The following TTC9C variants were observed in gnomAD, a reference collection of about 807,000 sequenced individuals.
The protein encoded by TTC9C is tetratricopeptide repeat protein 9C.
A neutral mutation model predicts 22.5 loss-of-function variants in TTC9C; 15 were observed. The ratio of observed to expected loss-of-function variants is 0.67; its 90% CI spans 0.45 to 1.03. The LOEUF (loss-of-function observed/expected upper bound fraction) is 1.03, where lower values mean the gene tolerates loss of function less well. Among genes scored for constraint, TTC9C ranks in the 50% least tolerant of loss-of-function variants. The probability of loss-of-function intolerance (pLI) is 0.00; values close to 1 mark genes in which losing one functional copy is unlikely to be tolerated. For synonymous variants in TTC9C, 92 were observed against 86.8 expected (o/e 1.06, Z -0.33); for missense variants, 244 against 214.6 (o/e 1.14, Z -0.86).
chr11:62,728,984 C>G lies in TTC9C; in HGVS notation c.136C>G (p.Pro46Ala), dbSNP rs373431811. 1.1e-5 allele frequency: 17 copies of G among 1,613,986 alleles called. No homozygotes were observed. The highest frequency in any genetic ancestry group is 1.4e-5 in the Non-Finnish European group (16 of 1,180,032). The change falls in exon 1 of 3, where the codon CCC becomes GCC. Residue 46 changes from proline to alanine, a missense_variant. Transcript: ENST00000316461. Reference sequence around the variant, plus strand: ...GCTGCGGGGTCTGGATCCGAGTCTGCCCTCTCCGTTACCTAATCTCGGACC... The same window carrying G: ...GCTGCGGGGTCTGGATCCGAGTCTGGCCTCTCCGTTACCTAATCTCGGACC... ...LQLRGLDPSL[P>A]SPLPNLGPQG...
rs767406081 is a variant in TTC9C, at chr11:62,728,566, C to G, written c.-283C>G. On this transcript the variant is annotated 5_prime_UTR_variant, in exon 1 of 3. Coordinates refer to ENST00000316461, the MANE Select transcript of TTC9C (RefSeq NM_173810.4). ...TTCTTCGGAAAGTCTCATCCACCCC[C>G]ACATCGCCTCTTTAGGAAGTCACTT... 2 of 547,962 alleles carry G rather than the reference C, an allele frequency of 3.6e-6. No homozygotes were observed. Among genetic ancestry groups the G allele is most frequent in the East Asian group, 4.4e-5 (1 of 22,574 alleles). 33.9% of individuals were successfully genotyped at this position (547,962 alleles called of 1,614,324 possible).
chr11:62,729,689 C>T (rs916144918), intron 1 of TTC9C, among the ~76,000 whole-genome samples: 1 of 151,438 alleles, frequency 6.6e-6, no homozygotes, highest in Non-Finnish European at 1.5e-5. Context: ...GATTCTCCTG[C>T]CTCAGCTTCC....
Position 62,738,527 on chromosome 11 carries a change from A to G in TTC9C, c.*145A>G, listed in dbSNP as rs1230003751. The G allele has an allele frequency of 1.8e-6, 1 of 564,014 alleles. No individual in the cohort carries two copies. Among genetic ancestry groups the G allele is most frequent in the Non-Finnish European group, 3.2e-6 (1 of 315,372 alleles). The allele number at this position is 564,014 out of a possible 1,614,324, so 34.9% of individuals were successfully genotyped here. A position where few individuals can be genotyped will look rare whatever the true frequency, so the allele number is the denominator to read the frequency against. ...TTTCTAGTTCTGCACAAACTTCACT[A>G]CTTAGACAGTCTGAGTCTTTTTCTG... On this transcript the variant is annotated 3_prime_UTR_variant, in exon 3 of 3. Transcript: ENST00000316461.
At chr11:62,730,714 G>A (rs1453253482) in intron 1 of TTC9C, among the ~76,000 whole-genome samples, 1 of 151,704 alleles carries the variant, frequency 6.6e-6, no homozygotes, top group Non-Finnish European at 1.5e-5. Context: ...GCTGGGATTA[G>A]AGGCATGTGG....
At chr11:62,734,874 G>T (rs1021754093) in intron 1 of TTC9C, among the ~76,000 whole-genome samples, 1 of 152,150 alleles carries the variant, frequency 6.6e-6, no homozygotes, top group Non-Finnish European at 1.5e-5. Context: ...AGTAAATATT[G>T]AAGTAGATTA....
rs1471983507 is a variant in TTC9C, at chr11:62,728,881, C to T, written c.33C>T (p.Tyr11=). Reference sequence around the variant, plus strand: ...AGCGTCTGCAGGAGGCTCAGCTGTACAAGGAGGAAGGGAACCAGCGCTACC... The same window carrying T: ...AGCGTCTGCAGGAGGCTCAGCTGTATAAGGAGGAAGGGAACCAGCGCTACC... MEKRLQEAQL[Y]KEEGNQRYRE... The change falls in exon 1 of 3, where the codon TAC becomes TAT. Residue 11 remains tyrosine (Y), a synonymous_variant. Coordinates refer to ENST00000316461, the MANE Select transcript of TTC9C (RefSeq NM_173810.4). The T allele has an allele frequency of 6.2e-7, 1 of 1,614,106 alleles. No homozygotes were observed. Among genetic ancestry groups the T allele is most frequent in the East Asian group, 2.2e-5 (1 of 44,886 alleles).
chr11:62,738,610 G>T lies in TTC9C; in HGVS notation c.*228G>T. The stretch of plus-strand genomic sequence containing the variant: ...TACATGTTATTGTTGCAGATATTTG[G>T]CTTGAGAAATATAATCAGAAAACAT... On this transcript the variant is annotated 3_prime_UTR_variant, in exon 3 of 3. Coordinates refer to ENST00000316461, the MANE Select transcript of TTC9C (RefSeq NM_173810.4). 2.5e-6 allele frequency: 1 copy of T among 398,340 alleles called. No homozygotes were observed. The highest frequency in any genetic ancestry group is 4.3e-5 in the East Asian group (1 of 23,352). The allele number at this position is 398,340 out of a possible 1,614,324, so 24.7% of individuals were successfully genotyped here.
rs747492542 is a variant in TTC9C, at chr11:62,728,807, C to T, written c.-42C>T. 1.2e-6 allele frequency: 2 copies of T among 1,600,178 alleles called. No individual in the cohort carries two copies. The highest frequency in any genetic ancestry group is 1.7e-6 in the Non-Finnish European group (2 of 1,167,404). On this transcript the variant is annotated 5_prime_UTR_variant, in exon 1 of 3. Transcript: ENST00000316461. ...GCTCCCAACCCCAGAGCTTCACTTG[C>T]TCCTTCACTTCCCAGTTCCGCAAGA...
intron 1 of TTC9C, among the ~76,000 whole-genome samples, chr11:62,733,895 G>C (rs966492195): frequency 6.6e-6 from 1 of 152,032 alleles, no homozygotes; most frequent in African/African-American, 2.4e-5. Flanking sequence ...AGGAGGCTGA[G>C]GCAGAAGAAT....
At chr11:62,728,121 G>A (rs941937004), upstream of TTC9C, 3 of 156,056 alleles carry the variant, frequency 1.9e-5, no homozygotes, top group African/African-American at 7.3e-5. Flanking sequence ...TTCTGATTGG[G>A]TGGTGTGGCG....
chr11:62,730,937 G>A (rs1248188779), intron 1 of TTC9C, among the ~76,000 whole-genome samples: 1 of 151,246 alleles, frequency 6.6e-6, no homozygotes, highest in East Asian at 1.9e-4. Flanking sequence ...TGCTCAGGCT[G>A]GAGTGCAGTG....
intron 1 of TTC9C, among the ~76,000 whole-genome samples, chr11:62,732,547 T>C (rs1407427211): frequency 2.0e-5 from 3 of 151,166 alleles, no homozygotes; most frequent in African/African-American, 4.9e-5. Context: ...GAGGCGGAGG[T>C]TGTGGTGAAC....
chr11:62,729,966 C>G (rs1378431307), intron 1 of TTC9C, among the ~76,000 whole-genome samples: 2 of 152,174 alleles, frequency 1.3e-5, no homozygotes, highest in Non-Finnish European at 2.9e-5. Flanking sequence ...TAAGGTCAGG[C>G]CATTGTTTAT....
chr11:62,733,038 C>A, intron 1 of TTC9C: 1 of 724,952 alleles, frequency 1.4e-6, no homozygotes, highest in Non-Finnish European at 2.0e-6. Context: ...TCAGCACAGG[C>A]CCTTTAATGT....
At chr11:62,736,625 C>T (rs1386727651) in intron 2 of TTC9C, among the ~76,000 whole-genome samples, 2 of 150,180 alleles carry the variant, frequency 1.3e-5, no homozygotes, top group Non-Finnish European at 3.0e-5. Context: ...ACTTGGGAGG[C>T]GGAGCTTGCA....
chr11:62,731,346 G>C (rs1361105770), intron 1 of TTC9C, among the ~76,000 whole-genome samples: 1 of 152,196 alleles, frequency 6.6e-6, no homozygotes, highest in Non-Finnish European at 1.5e-5. Context: ...TGTAGCTGGT[G>C]CAGTGGCTCA....
intron 1 of TTC9C, among the ~76,000 whole-genome samples, chr11:62,732,532 C>T (rs1565171026): frequency 6.6e-6 from 1 of 151,900 alleles, no homozygotes; most frequent in South Asian, 2.1e-4. Flanking sequence ...ATTGCTTGAA[C>T]CTGGGAGGCG....
chr11:62,734,770 C>G (rs2083891483), intron 1 of TTC9C, among the ~76,000 whole-genome samples: 1 of 152,024 alleles, frequency 6.6e-6, no homozygotes, highest in African/African-American at 2.4e-5. Flanking sequence ...GCATGAGCCA[C>G]CATGCTCAGC....
At chr11:62,735,725 C>G in intron 2 of TTC9C, 161 bp downstream of exon 2, 4 of 1,291,506 alleles carry the variant, frequency 3.1e-6, no homozygotes, top group East Asian at 2.7e-5. Context: ...ATGAACAGAC[C>G]TTTTTCCACT....
Sources: allele counts gnomAD v4.1 joint callset (sites outside exome capture counted in the v4.1 genomes callset), GRCh38; gene constraint gnomAD v4.1.1; transcripts MANE v1.5; gene names NCBI Gene and HGNC (gene_info 2026-07-23, HGNC 2026-07-21).